The following HSPA4 variants were observed in gnomAD, a reference collection of about 807,000 sequenced individuals.
The protein encoded by HSPA4 is heat shock 70 kDa protein 4.
Under a neutral mutation model 106.2 loss-of-function variants are expected in HSPA4, and 25 were observed. The ratio of observed to expected loss-of-function variants is 0.24; its 90% CI spans 0.17 to 0.33. The LOEUF is 0.33. Among genes scored for constraint, HSPA4 ranks in the 10% least tolerant of loss-of-function variants. The pLI is 1.00. For synonymous variants in HSPA4, 332 were observed against 333.6 expected, an observed-to-expected ratio of 1.00 and a Z score of 0.05; for missense variants, 841 against 996.0, an observed-to-expected ratio of 0.84 and a Z score of 2.10.
Position 133,052,368 on chromosome 5 carries a change from G to T in HSPA4, c.107+11G>T. 1 of 1,492,314 alleles carries T rather than the reference G, an allele frequency of 6.7e-7. No homozygotes were observed. Among genetic ancestry groups the T allele is most frequent in the Non-Finnish European group, 9.0e-7 (1 of 1,104,980 alleles). 92.4% of individuals were successfully genotyped at this position (1,492,314 alleles called of 1,614,324 possible). ...CGACCGCTGCACGCCGTAAGTGTGG[G>T]CCGGGCCTGCCGCGTGCACTGGGGT... On this transcript the variant is annotated intron_variant, in intron 1 of 18. Coordinates refer to ENST00000304858, the MANE Select transcript of HSPA4 (RefSeq NM_002154.4).
chr5:133,055,786 T>G (rs1333141086), intron 1 of HSPA4, among the ~76,000 whole-genome samples: 2 of 151,962 alleles, frequency 1.3e-5, no homozygotes, highest in African/African-American at 2.4e-5. Flanking sequence ...TAATTTAAAT[T>G]GGATGGAAGG....
At chr5:133,099,447 A>C in intron 15 of HSPA4, 98 bp from the exon 16 acceptor site, 1 of 559,194 alleles carries the variant, frequency 1.8e-6, no homozygotes. Flanking sequence ...TCTGTATTTT[A>C]AAGCAAATCT....
At chr5:133,084,556 T>C (rs921662100) in intron 7 of HSPA4, among the ~76,000 whole-genome samples, 14 of 152,204 alleles carry the variant, frequency 9.2e-5, no homozygotes, top group African/African-American at 2.9e-4. Flanking sequence ...CTGCAACCTC[T>C]GCCTTCCAGG....
chr5:133,058,722 G>T (rs1765198721), intron 1 of HSPA4, among the ~76,000 whole-genome samples: 1 of 151,966 alleles, frequency 6.6e-6, no homozygotes, highest in African/African-American at 2.4e-5. Context: ...GCCGGGTGTG[G>T]TGGTTTACAT....
intron 16 of HSPA4, among the ~76,000 whole-genome samples, chr5:133,100,813 T>C (rs1765775644): frequency 6.6e-6 from 1 of 152,186 alleles, no homozygotes; most frequent in Non-Finnish European, 1.5e-5. Context: ...TGGTTTCTTG[T>C]GGAACTGGGC....
At chr5:133,072,334 A>AT (rs1765391780) in intron 4 of HSPA4, among the ~76,000 whole-genome samples, 1 of 151,778 alleles carries the variant, frequency 6.6e-6, no homozygotes, top group African/African-American at 2.4e-5. Flanking sequence ...AACAGGTTGT[A>AT]ACAATACGGG....
chr5:133,073,550 T>C (rs1765411055), intron 5 of HSPA4, among the ~76,000 whole-genome samples: 1 of 152,240 alleles, frequency 6.6e-6, no homozygotes, highest in East Asian at 1.9e-4. Flanking sequence ...TTTAAACACA[T>C]GCTTGTTGGG....
intron 7 of HSPA4, 55 bp downstream of exon 7, chr5:133,076,953 A>G: frequency 7.1e-7 from 1 of 1,409,428 alleles, no homozygotes; most frequent in Non-Finnish European, 9.9e-7. Flanking sequence ...CTCCACATAT[A>G]TTAACCTTTA....
Position 133,104,678 on chromosome 5 carries a change from A to T in HSPA4, c.*242A>T, listed in dbSNP as rs1187091090. On this transcript the variant is annotated 3_prime_UTR_variant, in exon 19 of 19. Coordinates refer to ENST00000304858, the MANE Select transcript of HSPA4 (RefSeq NM_002154.4). ...TTTAGAAGCCCAGTTAGTCTTACTG[A>T]GCTTATGCTTCACTCCTTTATGTTT... is the stretch of plus-strand genomic sequence containing the variant. 3 of 466,220 alleles carry T rather than the reference A, an allele frequency of 6.4e-6. No homozygotes were observed. In the East Asian group the frequency reaches 1.2e-4, roughly 19 times the overall value. 28.9% of individuals were successfully genotyped at this position (466,220 alleles called of 1,614,324 possible).
chr5:133,090,968 T>C (rs1765639933), intron 11 of HSPA4: 2 of 596,640 alleles, frequency 3.4e-6, no homozygotes, highest in East Asian at 3.2e-5. Context: ...TCGGGAGATA[T>C]TTGAGTTCTT....
In HSPA4 at chr5:133,073,213, CT is replaced by C. The variant is rs756561855; in HGVS notation, c.430-5del. On this transcript the variant is annotated splice_polypyrimidine_tract_variant and intron_variant, in intron 4 of 18. Transcript: ENST00000304858. Reference sequence around the variant, plus strand: ...TAGAATCTATAATACAGTAAGCATTCTTTTTTTTTTTTGTAGGTTCCTTGTT... The same window carrying C: ...TAGAATCTATAATACAGTAAGCATTCTTTTTTTTTTTGTAGGTTCCTTGTT... The C allele has an allele frequency of 0.11, 112,778 of 1,020,170 alleles. No individual in the cohort carries two copies. The highest frequency in any genetic ancestry group is 0.16 in the South Asian group (8,523 of 54,868). The allele number at this position is 1,020,170 out of a possible 1,614,324, so 63.2% of individuals were successfully genotyped here.
rs1483163318 is a variant in HSPA4, at chr5:133,101,779, G to T, written c.2058G>T (p.Lys686Asn). The T allele has an allele frequency of 6.2e-7, 1 of 1,611,752 alleles. No homozygotes were observed. Among genetic ancestry groups the T allele is most frequent in the Non-Finnish European group, 8.5e-7 (1 of 1,178,956 alleles). ...AELKNLGQPI[K>N]IRFQESEERP... Reference sequence around the variant, plus strand: ...TTAAGAATCTAGGTCAACCTATTAAGATACGTTTCCAGGAATCTGAAGAAC... The same window carrying T: ...TTAAGAATCTAGGTCAACCTATTAATATACGTTTCCAGGAATCTGAAGAAC... The change falls in exon 17 of 19, where the codon AAG becomes AAT. Residue 686 changes from lysine (K) to asparagine (N), a missense_variant. Coordinates refer to ENST00000304858, the MANE Select transcript of HSPA4 (RefSeq NM_002154.4).
intron 4 of HSPA4, among the ~76,000 whole-genome samples, chr5:133,071,232 G>A (rs1765376607): frequency 1.4e-5 from 2 of 146,660 alleles, no homozygotes; most frequent in South Asian, 4.3e-4. Flanking sequence ...GGCCAGGGCA[G>A]GAAGATTGTT....
chr5:133,089,611 C>T lies in HSPA4; in HGVS notation c.1294C>T (p.Leu432Phe). 5.0e-6 allele frequency: 8 copies of T among 1,612,118 alleles called. No individual in the cohort carries two copies. Among genetic ancestry groups the T allele is most frequent in the Non-Finnish European group, 6.8e-6 (8 of 1,178,548 alleles). ...KNHAAPFSKV[L>F]TFYRKEPFTL... ...TCATGCTGCTCCTTTCTCTAAAGTT[C>T]TTACATTTTATAGAAAGGAACCTTT... is the stretch of plus-strand genomic sequence containing the variant. Residue 432 changes from leucine (L) to phenylalanine (F), a missense_variant, in exon 11 of 19, where the codon CTT (leucine) becomes TTT (phenylalanine). By Grantham distance (22) the Leu-to-Phe change is conservative (BLOSUM62 0). Around this residue, in one of 5 missense-constraint regions of HSPA4, gnomAD observed 162 missense variants for 177.7 expected, o/e 0.91. Coordinates refer to ENST00000304858, the MANE Select transcript of HSPA4 (RefSeq NM_002154.4).
chr5:133,060,383 C>G (rs889180818), intron 1 of HSPA4, among the ~76,000 whole-genome samples: 4 of 147,528 alleles, frequency 2.7e-5, no homozygotes, highest in African/African-American at 1.0e-4. Context: ...TTTTTTTTTG[C>G]GACGGAGTTC....
chr5:133,057,804 T>G (rs1464833900), intron 1 of HSPA4, among the ~76,000 whole-genome samples: 1 of 152,220 alleles, frequency 6.6e-6, no homozygotes, highest in Non-Finnish European at 1.5e-5. Context: ...TTCTTATGGA[T>G]TAAGCAGCAT....
chr5:133,089,723 G>GA (rs61130801), intron 11 of HSPA4, 28 bp downstream of exon 11: 177,491 of 959,700 alleles, frequency 0.18, 2,344 homozygotes, highest in African/African-American at 0.37. Context: ...AATTAAAAAA[G>GA]AAAAAAAAAA....
At chr5:133,072,392 G>GTTT (rs748459297) in intron 4 of HSPA4, among the ~76,000 whole-genome samples, 2,547 of 75,584 alleles carry the variant, frequency 0.034, 130 homozygotes, top group African/African-American at 0.061. Context: ...GTCCAGGGTT[G>GTTT]TTTTTTTTTT....
In HSPA4 at chr5:133,073,225, T is replaced by G. The variant is rs375412369; in HGVS notation, c.430-5T>G. 2 of 1,553,546 alleles carry G rather than the reference T, an allele frequency of 1.3e-6. No homozygotes were observed. Reference sequence around the variant, plus strand: ...TACAGTAAGCATTCTTTTTTTTTTTTGTAGGTTCCTTGTTTCTATACTGAT... The same window carrying G: ...TACAGTAAGCATTCTTTTTTTTTTTGGTAGGTTCCTTGTTTCTATACTGAT... On this transcript the variant is annotated splice_region_variant and splice_polypyrimidine_tract_variant and intron_variant, in intron 4 of 18. Transcript: ENST00000304858.
Sources: gnomAD v4.1 joint callset for allele counts (sites outside exome capture counted in the v4.1 genomes callset) on GRCh38, gnomAD v4.1.1 for gene constraint, gnomAD v4.1.1 regional missense constraint, MANE v1.5 for transcripts, NCBI Gene and HGNC (gene_info 2026-07-23, HGNC 2026-07-21) for gene names.